RGS8: variants seen among roughly 807,000 people sequenced by gnomAD.
RGS8 encodes regulator of G protein signaling 8.
Under a neutral mutation model 21.7 loss-of-function variants are expected in RGS8, and 8 were observed. The ratio of observed to expected loss-of-function variants is 0.37; its 90% CI spans 0.22 to 0.66. The LOEUF (loss-of-function observed/expected upper bound fraction) is 0.66, where lower values mean the gene tolerates loss of function less well. Ranked by LOEUF, RGS8 falls within the 30% of genes least tolerant of loss-of-function variation. The pLI is 0.59. For synonymous variants in RGS8, 80 were observed against 83.6 expected, an observed-to-expected ratio of 0.96 and a Z score of 0.24; for missense variants, 157 against 217.9, an observed-to-expected ratio of 0.72 and a Z score of 1.76.
the RGS8 span, among the ~76,000 whole-genome samples, chr1:182,741,354 G>C: frequency 2.1e-4 from 27 of 130,452 alleles, no homozygotes; most frequent in Non-Finnish European, 3.0e-4. Flanking sequence ...TGGCCGGGCG[G>C]GGGGGCTGAA....
At chr1:182,745,182 C>T in the RGS8 span, among the ~76,000 whole-genome samples, 279 of 152,228 alleles carry the variant, frequency 1.8e-3, 1 homozygote, top group Non-Finnish European at 2.8e-3. Context: ...CAAAATACAA[C>T]AAAAATCTCA....
intron 1 of RGS8, among the ~76,000 whole-genome samples, chr1:182,678,269 A>G (rs1571354273): frequency 6.6e-6 from 1 of 152,186 alleles, no homozygotes; most frequent in Non-Finnish European, 1.5e-5. Context: ...TGACTTGTGT[A>G]TATTTGAAAT....
the RGS8 span, among the ~76,000 whole-genome samples, chr1:182,708,739 T>G: frequency 2.1e-4 from 32 of 152,314 alleles, no homozygotes; most frequent in African/African-American, 7.5e-4. Context: ...TTGGGCCGCA[T>G]GGGGGAATCA....
the RGS8 span, among the ~76,000 whole-genome samples, chr1:182,735,762 G>A: frequency 6.6e-6 from 1 of 152,312 alleles, no homozygotes; most frequent in African/African-American, 2.4e-5. Flanking sequence ...CACAAGAGAT[G>A]TATCTGAAGG....
chr1:182,658,222 T>C (rs1663379912), intron 5 of RGS8: 1 of 152,142 alleles, frequency 6.6e-6, no homozygotes, highest in Middle Eastern at 3.2e-3. Flanking sequence ...AGTTATTTGA[T>C]GGAGGATGCT....
the RGS8 span, among the ~76,000 whole-genome samples, chr1:182,712,336 C>T: frequency 7.2e-5 from 11 of 152,206 alleles, no homozygotes; most frequent in Non-Finnish European, 1.3e-4. Context: ...AATCCATGGC[C>T]ACATTTGACC....
At chr1:182,675,365 C>T (rs1456978671), upstream of RGS8, among the ~76,000 whole-genome samples, 1 of 152,170 alleles carries the variant, frequency 6.6e-6, no homozygotes, top group Non-Finnish European at 1.5e-5. Context: ...TTATTCAACC[C>T]CCAGCACCTG....
At chr1:182,646,205 T>G (rs1374646424) in exon 7 of RGS8, 1 of 152,594 alleles carries the variant, frequency 6.6e-6, no homozygotes, top group African/African-American at 2.4e-5. Flanking sequence ...AGAGGTCACC[T>G]GTCAATGACA....
chr1:182,666,122 T>A, intron 4 of RGS8, 89 bp from the exon 6 acceptor site: 3 of 1,073,224 alleles, frequency 2.8e-6, no homozygotes, highest in Non-Finnish European at 2.8e-6. Flanking sequence ...GAAAACAAAT[T>A]GGAAAAATGT....
the RGS8 span, among the ~76,000 whole-genome samples, chr1:182,748,870 T>C: frequency 2.6e-5 from 4 of 152,228 alleles, no homozygotes; most frequent in African/African-American, 7.2e-5. Context: ...TTGAGCATAT[T>C]TTCATATACC....
the RGS8 span, among the ~76,000 whole-genome samples, chr1:182,713,272 C>G: frequency 4.6e-5 from 7 of 151,736 alleles, no homozygotes; most frequent in African/African-American, 1.7e-4. Context: ...CAACCTCCAG[C>G]TCCCAGGTTC....
chr1:182,732,272 T>TACACACACACACACAC, the RGS8 span, among the ~76,000 whole-genome samples: 402 of 132,568 alleles, frequency 3.0e-3, 2 homozygotes, highest in African/African-American at 9.4e-3. Flanking sequence ...CTCTCTCTCA[T>TACACACACACACACAC]ACACACACAC....
chr1:182,714,252 C>T, the RGS8 span: 1 of 152,176 alleles, frequency 6.6e-6, no homozygotes, highest in Non-Finnish European at 1.5e-5. Flanking sequence ...ATAAAACTAT[C>T]TGAATTTATC....
the RGS8 span, among the ~76,000 whole-genome samples, chr1:182,746,155 A>AC: frequency 1.5e-4 from 23 of 151,752 alleles, no homozygotes; most frequent in African/African-American, 5.3e-4. Flanking sequence ...TGGTTTTCAG[A>AC]CCCCCTCTCC....
chr1:182,668,758 C>A (rs997380152), intron 3 of RGS8, among the ~76,000 whole-genome samples: 14 of 152,340 alleles, frequency 9.2e-5, no homozygotes, highest in African/African-American at 3.4e-4. Flanking sequence ...CTCTCTCCTG[C>A]GACAGCGGGC....
chr1:182,747,899 T>C, the RGS8 span, among the ~76,000 whole-genome samples: 3 of 151,988 alleles, frequency 2.0e-5, no homozygotes, highest in Non-Finnish European at 2.9e-5. Context: ...AGCTCCATCA[T>C]TTTCTTTTTT....
upstream of RGS8, among the ~76,000 whole-genome samples, chr1:182,676,858 G>C (rs547594666): frequency 6.6e-6 from 1 of 152,192 alleles, no homozygotes; most frequent in South Asian, 2.1e-4. Context: ...ACATCACCAA[G>C]ACATTTCAAC....
the RGS8 span, among the ~76,000 whole-genome samples, chr1:182,741,507 G>C: frequency 9.1e-3 from 722 of 79,776 alleles, 9 homozygotes; most frequent in Non-Finnish European, 0.01. Context: ...GGCTGACCCC[G>C]CCACCTCCCT....
chr1:182,747,313 T>G, the RGS8 span, among the ~76,000 whole-genome samples: 1 of 151,986 alleles, frequency 6.6e-6, no homozygotes, highest in African/African-American at 2.4e-5. Flanking sequence ...ATACTAAGCT[T>G]CTTTTATCCA....
Sources: allele counts gnomAD v4.1 joint callset (sites outside exome capture counted in the v4.1 genomes callset), GRCh38; gene constraint gnomAD v4.1.1; transcripts MANE v1.5; gene names NCBI Gene and HGNC (gene_info 2026-07-23, HGNC 2026-07-21).